UNC79: variants seen among roughly 807,000 people sequenced by gnomAD.
UNC79 encodes the protein protein unc-79 homolog.
Under a neutral mutation model 283.1 loss-of-function variants are expected in UNC79, and 37 were observed. The observed-to-expected ratio is 0.13, with a 90% CI of 0.10 to 0.17. The LOEUF is 0.17. UNC79 is among the 10% of genes least tolerant of loss of function. UNC79 has a pLI of 1.00. For synonymous variants in UNC79, 1,107 were observed against 1,200.2 expected, an observed-to-expected ratio of 0.92 and a Z score of 1.61; for missense variants, 2,272 against 3,211.1, an observed-to-expected ratio of 0.71 and a Z score of 7.07.
At chr14:93,705,818 T>A (rs2075842129) in intron 48 of UNC79, among the ~76,000 whole-genome samples, 1 of 152,222 alleles carries the variant, frequency 6.6e-6, no homozygotes, top group Non-Finnish European at 1.5e-5. Context: ...GCTGGGTTTC[T>A]TCTCCGAGTT....
intron 31 of UNC79, among the ~76,000 whole-genome samples, chr14:93,631,309 A>G (rs2068015923): frequency 6.6e-6 from 1 of 152,248 alleles, no homozygotes; most frequent in South Asian, 2.1e-4. Context: ...CATCATTGAC[A>G]AAATTTGATC....
At chr14:93,448,622 T>C (rs2056538547) in intron 1 of UNC79, among the ~76,000 whole-genome samples, 1 of 152,218 alleles carries the variant, frequency 6.6e-6, no homozygotes, top group South Asian at 2.1e-4. Context: ...TTTGGAGACT[T>C]TGGGGTCTAC....
chr14:93,505,720 T>TTC (rs954901096), intron 7 of UNC79, among the ~76,000 whole-genome samples: 2 of 150,840 alleles, frequency 1.3e-5, no homozygotes, highest in South Asian at 4.2e-4. Context: ...TTTTTCTTTT[T>TTC]TCTCTCTCTC....
intron 2 of UNC79, among the ~76,000 whole-genome samples, chr14:93,470,427 C>T (rs546394565): frequency 6.6e-6 from 1 of 152,268 alleles, no homozygotes; most frequent in East Asian, 1.9e-4. Flanking sequence ...CACATATGTC[C>T]ACTTAGCTCA....
chr14:93,702,030 T>G (rs1344100433), intron 47 of UNC79, among the ~76,000 whole-genome samples: 1 of 152,186 alleles, frequency 6.6e-6, no homozygotes, highest in Admixed American at 6.5e-5. Context: ...TTCCCAAATA[T>G]CAAGAGGCGT....
chr14:93,343,367 C>T (rs1365585840), intron 1 of UNC79, among the ~76,000 whole-genome samples: 1 of 152,196 alleles, frequency 6.6e-6, no homozygotes, highest in Non-Finnish European at 1.5e-5. Flanking sequence ...GCTTGCAATC[C>T]AAGTGTGTTA....
chr14:93,603,292 A>C (rs2142072893), exon 26 of UNC79: 1 of 1,614,174 alleles, frequency 6.2e-7, no homozygotes, highest in African/African-American at 1.3e-5. Context: ...AGCCTTATGG[A>C]AGATCAAGAG....
At chr14:93,393,556 AT>A (rs2054928476) in intron 1 of UNC79, among the ~76,000 whole-genome samples, 1 of 152,212 alleles carries the variant, frequency 6.6e-6, no homozygotes, top group African/African-American at 2.4e-5. Flanking sequence ...TTACATAAGT[AT>A]TCTTGCCATT....
At chr14:93,588,070 CTTTATTTATTTA>C (rs528106759) in intron 22 of UNC79, among the ~76,000 whole-genome samples, 10 of 151,788 alleles carry the variant, frequency 6.6e-5, no homozygotes, top group African/African-American at 9.7e-5. Context: ...GATACTGAAG[CTTTATTTATTTA>C]TTTATTTATT....
At chr14:93,379,275 C>A (rs1343472398) in intron 1 of UNC79, among the ~76,000 whole-genome samples, 1 of 152,016 alleles carries the variant, frequency 6.6e-6, no homozygotes, top group African/African-American at 2.4e-5. Context: ...AAGAGCCAAA[C>A]AAAAACAGCT....
intron 1 of UNC79, among the ~76,000 whole-genome samples, chr14:93,466,165 A>G (rs979815973): frequency 6.6e-6 from 1 of 152,248 alleles, no homozygotes; most frequent in Non-Finnish European, 1.5e-5. Context: ...ACATAGACTC[A>G]AGGTATTATT....
At chr14:93,629,614 G>A (rs7154252) in intron 30 of UNC79, among the ~76,000 whole-genome samples, 108,103 of 152,116 alleles carry the variant, frequency 0.71, 38,964 homozygotes, top group African/African-American at 0.82. Flanking sequence ...CAGTGCTCAG[G>A]AACCTTTCTC....
chr14:93,387,480 T>C (rs2054802143), intron 1 of UNC79, among the ~76,000 whole-genome samples: 3 of 152,230 alleles, frequency 2.0e-5, no homozygotes, highest in African/African-American at 4.8e-5. Context: ...ATTTTCTTCT[T>C]ACTTTCTTCA....
intron 40 of UNC79, among the ~76,000 whole-genome samples, chr14:93,669,072 T>C (rs8018779): frequency 0.098 from 14,593 of 149,086 alleles, 1,383 homozygotes; most frequent in African/African-American, 0.25. Context: ...GTTAAATAAA[T>C]GGAAAGAGAT....
At chr14:93,495,649 T>C (rs1261853263) in intron 5 of UNC79, among the ~76,000 whole-genome samples, 2 of 152,196 alleles carry the variant, frequency 1.3e-5, no homozygotes, top group Non-Finnish European at 2.9e-5. Flanking sequence ...CACTACTGAA[T>C]GTGGCTGAAA....
chr14:93,342,042 A>G (rs952846899), intron 1 of UNC79, among the ~76,000 whole-genome samples: 3 of 151,980 alleles, frequency 2.0e-5, no homozygotes, highest in African/African-American at 4.8e-5. Context: ...GTTCCGGAGG[A>G]TGGTGGCTTT....
At chr14:93,345,121 G>A (rs1480383534) in intron 1 of UNC79, among the ~76,000 whole-genome samples, 3 of 152,154 alleles carry the variant, frequency 2.0e-5, no homozygotes, top group Non-Finnish European at 1.5e-5. Context: ...AGGCCCTAGA[G>A]AGCTACCTTG....
chr14:93,566,824 G>A (rs536055841), intron 14 of UNC79, among the ~76,000 whole-genome samples: 32 of 151,978 alleles, frequency 2.1e-4, no homozygotes, highest in Non-Finnish European at 7.4e-5. Context: ...TCACCATGTT[G>A]GCAAGGATGG....
intron 1 of UNC79, among the ~76,000 whole-genome samples, chr14:93,339,874 T>G (rs2053666876): frequency 6.6e-6 from 1 of 152,258 alleles, no homozygotes; most frequent in Non-Finnish European, 1.5e-5. Flanking sequence ...TATGTATGGT[T>G]GCAATATTGA....
Sources: allele counts gnomAD v4.1 joint callset (sites outside exome capture counted in the v4.1 genomes callset), GRCh38; gene constraint gnomAD v4.1.1; transcripts MANE v1.5; gene names NCBI Gene and HGNC (gene_info 2026-07-23, HGNC 2026-07-21).